FSTL5: variants seen among roughly 807,000 people sequenced by gnomAD.
FSTL5 encodes the protein follistatin like 5.
FSTL5 carries 62 observed loss-of-function variants against 89.1 expected under a neutral mutation model. The ratio of observed to expected loss-of-function variants is 0.70; its 90% CI spans 0.57 to 0.86. The LOEUF is 0.86. Ranked by LOEUF, FSTL5 falls within the 40% of genes least tolerant of loss-of-function variation. FSTL5 has a pLI of 0.00. For missense variants in FSTL5, 1,057 were observed against 1,001.6 expected, an observed-to-expected ratio of 1.06 and a Z score of -0.75; for synonymous variants, 383 against 346.2, an observed-to-expected ratio of 1.11 and a Z score of -1.18.
intron 2 of FSTL5, among the ~76,000 whole-genome samples, chr4:162,109,302 A>G (rs1731344940): frequency 6.6e-6 from 1 of 152,088 alleles, no homozygotes; most frequent in Non-Finnish European, 1.5e-5. Context: ...GGGTTTTTAC[A>G]GGGACTTGTA....
rs2126409560 is a variant in FSTL5, at chr4:161,459,254, C to T, written c.1674G>A (p.Val558=). ...HYDKSHDQVW[V]LSWGTLEKTS... is the part of the protein sequence containing the mutation. Reference sequence around the variant, plus strand: ...TCTTCTCCAAGGTACCCCAGCTTAGCACCCAGACCTGATCATGTGATTTGT... The same window carrying T: ...TCTTCTCCAAGGTACCCCAGCTTAGTACCCAGACCTGATCATGTGATTTGT... Residue 558 remains valine (V), a synonymous_variant, in exon 14 of 16, where the codon GTG becomes GTA. Coordinates refer to ENST00000306100, the MANE Select transcript of FSTL5 (RefSeq NM_020116.5). The T allele has an allele frequency of 6.2e-7, 1 of 1,613,302 alleles. No individual in the cohort carries two copies. The highest frequency in any genetic ancestry group is 1.7e-4 in the Middle Eastern group (1 of 6,058).
chr4:161,705,950 G>GTATATTGCATGTGTGTGTGTAGA (rs775369439), intron 6 of FSTL5, among the ~76,000 whole-genome samples: 13 of 18,624 alleles, frequency 7.0e-4, no homozygotes, highest in African/African-American at 1.6e-3. Context: ...GTGTAGATGT[G>GTATATTGCATGTGTGTGTGTAGA]TGTATATATA....
intron 15 of FSTL5, among the ~76,000 whole-genome samples, chr4:161,441,600 C>G (rs115481200): frequency 6.6e-6 from 1 of 151,966 alleles, no homozygotes. Flanking sequence ...TAAGTCTCTA[C>G]GGCATCTTCA....
intron 2 of FSTL5, among the ~76,000 whole-genome samples, chr4:162,053,179 C>T (rs1021143576): frequency 2.0e-5 from 3 of 151,484 alleles, no homozygotes; most frequent in East Asian, 1.9e-4. Flanking sequence ...TTTTGGCCAA[C>T]GGAAACAACA....
At chr4:161,573,411 T>C in intron 8 of FSTL5, among the ~76,000 whole-genome samples, 1 of 23,110 alleles carries the variant, frequency 4.3e-5, no homozygotes, top group Non-Finnish European at 9.5e-5. Flanking sequence ...TAAAACCCTG[T>C]CAAAAAAAAA....
chr4:161,669,244 A>T, intron 6 of FSTL5, among the ~76,000 whole-genome samples: 1 of 152,184 alleles, frequency 6.6e-6, no homozygotes, highest in East Asian at 1.9e-4. Context: ...CTTTAAATTT[A>T]ATGCAATCCC....
intron 3 of FSTL5, among the ~76,000 whole-genome samples, chr4:162,006,450 G>A (rs778743426): frequency 2.6e-5 from 4 of 151,872 alleles, no homozygotes; most frequent in Non-Finnish European, 5.9e-5. Flanking sequence ...ATAAATGAGT[G>A]ATATTGAAAA....
chr4:161,589,268 G>A (rs1321661140), intron 7 of FSTL5, among the ~76,000 whole-genome samples: 1 of 152,012 alleles, frequency 6.6e-6, no homozygotes, highest in African/African-American at 2.4e-5. Context: ...CTGCTTCCTG[G>A]GTTCCAGTGA....
chr4:161,623,808 G>A (rs1278973662), intron 7 of FSTL5, among the ~76,000 whole-genome samples: 1 of 151,894 alleles, frequency 6.6e-6, no homozygotes, highest in African/African-American at 2.4e-5. Flanking sequence ...ATACTTCAGA[G>A]AAGAGTTCTG....
At chr4:161,564,214 T>G (rs1732717956) in intron 8 of FSTL5, among the ~76,000 whole-genome samples, 1 of 151,380 alleles carries the variant, frequency 6.6e-6, no homozygotes, top group Non-Finnish European at 1.5e-5. Flanking sequence ...ATTATGCATG[T>G]GTATATATGC....
intron 15 of FSTL5, among the ~76,000 whole-genome samples, chr4:161,445,540 C>A (rs879634555): frequency 6.6e-6 from 1 of 151,408 alleles, no homozygotes; most frequent in Non-Finnish European, 1.5e-5. Flanking sequence ...TTCTGTAAAC[C>A]AAATATTACG....
chr4:161,864,188 C>A (rs1732006050), intron 4 of FSTL5, among the ~76,000 whole-genome samples: 1 of 152,120 alleles, frequency 6.6e-6, no homozygotes, highest in Admixed American at 6.5e-5. Context: ...AGAGAAGCCA[C>A]AAAATGATGT....
chr4:162,010,194 A>G (rs1374511345), intron 3 of FSTL5, among the ~76,000 whole-genome samples: 1 of 152,102 alleles, frequency 6.6e-6, no homozygotes, highest in Non-Finnish European at 1.5e-5. Context: ...TGTATCACAA[A>G]CTATTTTCTT....
intron 3 of FSTL5, among the ~76,000 whole-genome samples, chr4:161,991,908 T>C (rs957003511): frequency 6.6e-6 from 1 of 152,112 alleles, no homozygotes; most frequent in African/African-American, 2.4e-5. Context: ...TCAGAACGGA[T>C]ATGAAGGATA....
chr4:161,526,578 A>C (rs1011609329), intron 10 of FSTL5, among the ~76,000 whole-genome samples: 1 of 152,178 alleles, frequency 6.6e-6, no homozygotes, highest in Non-Finnish European at 1.5e-5. Flanking sequence ...TTATGGTTTT[A>C]GGTCTAACGT....
chr4:161,985,633 A>G (rs780872827), intron 3 of FSTL5, among the ~76,000 whole-genome samples: 1 of 151,882 alleles, frequency 6.6e-6, no homozygotes, highest in Admixed American at 6.6e-5. Flanking sequence ...ATGAATACTT[A>G]TACTTTAATA....
At chr4:161,788,975 A>AT (rs371957985) in intron 4 of FSTL5, among the ~76,000 whole-genome samples, 87 of 152,170 alleles carry the variant, frequency 5.7e-4, no homozygotes, top group Middle Eastern at 3.4e-3. Flanking sequence ...AAAAACTAAG[A>AT]TTTTCCCTTC....
At chr4:161,668,139 C>T (rs1041086795) in intron 6 of FSTL5, among the ~76,000 whole-genome samples, 3 of 152,032 alleles carry the variant, frequency 2.0e-5, no homozygotes. Flanking sequence ...CAGAGTAACT[C>T]AGAAGAAAGA....
At chr4:161,431,105 T>C (rs1184928261) in intron 15 of FSTL5, among the ~76,000 whole-genome samples, 4 of 152,124 alleles carry the variant, frequency 2.6e-5, no homozygotes, top group Non-Finnish European at 4.4e-5. Flanking sequence ...AGAAATCATC[T>C]GAAGGAACAA....
Sources: allele counts gnomAD v4.1 joint callset (sites outside exome capture counted in the v4.1 genomes callset), GRCh38; gene constraint gnomAD v4.1.1; transcripts MANE v1.5; gene names NCBI Gene and HGNC (gene_info 2026-07-23, HGNC 2026-07-21).